The following METTL8 variants were observed in gnomAD, a reference collection of about 807,000 sequenced individuals.
METTL8 encodes tRNA N(3)-cytidine methyltransferase METTL8, mitochondrial.
METTL8 carries 32 observed loss-of-function variants against 48.7 expected under a neutral mutation model. The ratio of observed to expected loss-of-function variants is 0.66; its 90% CI spans 0.50 to 0.88. The LOEUF (loss-of-function observed/expected upper bound fraction) is 0.88, where lower values mean the gene tolerates loss of function less well. METTL8 is among the 40% of genes least tolerant of loss of function. The pLI is 0.00. For synonymous variants in METTL8, 136 were observed against 157.1 expected (o/e 0.87, Z 1.01); for missense variants, 464 against 474.4 (o/e 0.98, Z 0.20).
intron 1 of METTL8, among the ~76,000 whole-genome samples, chr2:171,415,902 G>A (rs1056881846): frequency 2.0e-5 from 3 of 152,242 alleles, no homozygotes; most frequent in South Asian, 2.1e-4. Flanking sequence ...GACTGGGTAA[G>A]GCAGATGATT....
chr2:171,361,875 C>T (rs1685202427), intron 2 of METTL8, among the ~76,000 whole-genome samples: 1 of 152,118 alleles, frequency 6.6e-6, no homozygotes, highest in African/African-American at 2.4e-5. Flanking sequence ...AATGATAATA[C>T]AGTGAAACAT....
At chr2:171,434,176 G>A (rs1693558230), upstream of METTL8, 2 of 374,096 alleles carry the variant, frequency 5.3e-6, no homozygotes, top group African/African-American at 2.1e-5. Context: ...CAGAGGCAGG[G>A]CCGGGCAAGC....
At chr2:171,357,916 G>A (rs1684760379) in intron 3 of METTL8, among the ~76,000 whole-genome samples, 1 of 152,028 alleles carries the variant, frequency 6.6e-6, no homozygotes, top group African/African-American at 2.4e-5. Flanking sequence ...AGTTGGTCTT[G>A]AACTCCTGGG....
At chr2:171,356,847 T>A (rs1684595212) in intron 3 of METTL8, among the ~76,000 whole-genome samples, 1 of 152,096 alleles carries the variant, frequency 6.6e-6, no homozygotes, top group Admixed American at 6.5e-5. Flanking sequence ...ACTTTAATTT[T>A]ACATAATACT....
chr2:171,360,480 T>G lies in METTL8; in HGVS notation c.177A>C (p.Ala59=). 6.2e-7 allele frequency: 1 copy of G among 1,613,880 alleles called. No individual in the cohort carries two copies. The highest frequency in any genetic ancestry group is 8.5e-7 in the Non-Finnish European group (1 of 1,179,954). The change falls in exon 3 of 10, where the codon GCA becomes GCC. Residue 59 remains alanine (A), a synonymous_variant. Transcript: ENST00000375258. The stretch of plus-strand genomic sequence containing the variant: ...TTTCTTTTACTTTTTTTCTGGCTGC[T>G]GCTTCTTCTTCCTTAGACCACTGCA... The part of the protein sequence containing the change: ...DHMQWSKEEE[A]AARKKVKENS...
At chr2:171,329,131 G>A (rs892250064) in intron 7 of METTL8, among the ~76,000 whole-genome samples, 9 of 151,660 alleles carry the variant, frequency 5.9e-5, no homozygotes, top group Non-Finnish European at 1.3e-4. Flanking sequence ...GATTATAGGC[G>A]CCCACCACCA....
chr2:171,371,199 C>G (rs1686294638), intron 2 of METTL8, among the ~76,000 whole-genome samples: 2 of 152,132 alleles, frequency 1.3e-5, no homozygotes, highest in African/African-American at 4.8e-5. Flanking sequence ...GGCATATCAG[C>G]TAATAACTGA....
chr2:171,318,614 C>T lies in METTL8; in HGVS notation c.*5558G>A, dbSNP rs1450579968. On this transcript the variant is annotated 3_prime_UTR_variant, in exon 10 of 10. Coordinates refer to ENST00000375258, the MANE Select transcript of METTL8 (RefSeq NM_001321154.2). The stretch of plus-strand genomic sequence containing the variant: ...AAAAGAACTGATTGAAAGCTTTTTG[C>T]TTTGTCATTCCTCTCAGTTCCTTTC... 6.6e-6 allele frequency: 1 copy of T among 152,180 alleles called. No individual in the cohort carries two copies. The highest frequency in any genetic ancestry group is 6.5e-5 in the Admixed American group (1 of 15,270). The allele number at this position is 152,180 out of a possible 1,614,324, so 9.4% of individuals were successfully genotyped here.
At chr2:171,368,481 C>G (rs1332964937) in intron 2 of METTL8, among the ~76,000 whole-genome samples, 1 of 151,932 alleles carries the variant, frequency 6.6e-6, no homozygotes, top group Non-Finnish European at 1.5e-5. Context: ...TTTGTGCTTC[C>G]AAGCAAAAAT....
chr2:171,356,956 T>TTTTTTTTTTTTTTTTG (rs1441572426), intron 3 of METTL8, among the ~76,000 whole-genome samples: 2 of 121,800 alleles, frequency 1.6e-5, no homozygotes, highest in Non-Finnish European at 3.5e-5. Context: ...GACAATATTT[T>TTTTTTTTTTTTTTTTG]TTTTTTTTTT....
chr2:171,377,233 C>A (rs528731885), intron 2 of METTL8, among the ~76,000 whole-genome samples: 1 of 152,138 alleles, frequency 6.6e-6, no homozygotes, highest in South Asian at 2.1e-4. Flanking sequence ...AGACTTGAAA[C>A]CATAAAAATT....
chr2:171,424,365 T>C (rs1692186700), intron 1 of METTL8, among the ~76,000 whole-genome samples: 2 of 152,262 alleles, frequency 1.3e-5, no homozygotes, highest in South Asian at 2.1e-4. Flanking sequence ...TCCAGAACTG[T>C]AGATCCACTG....
intron 5 of METTL8, among the ~76,000 whole-genome samples, chr2:171,335,766 CACAT>C (rs946620861): frequency 4.6e-5 from 7 of 152,072 alleles, no homozygotes; most frequent in African/African-American, 1.4e-4. Flanking sequence ...TTTAAAAGAT[CACAT>C]CATTTAAAAA....
intron 3 of METTL8, among the ~76,000 whole-genome samples, chr2:171,353,298 T>C (rs1402231579): frequency 6.6e-6 from 1 of 152,252 alleles, no homozygotes; most frequent in Non-Finnish European, 1.5e-5. Flanking sequence ...TTCTTAATCC[T>C]GAGTTCTAGT....
intron 2 of METTL8, among the ~76,000 whole-genome samples, chr2:171,361,870 T>C (rs1685201571): frequency 6.6e-6 from 1 of 152,144 alleles, no homozygotes; most frequent in African/African-American, 2.4e-5. Context: ...ACGTAAATGA[T>C]AATACAGTGA....
intron 7 of METTL8, among the ~76,000 whole-genome samples, chr2:171,328,112 T>C (rs1039827403): frequency 5.9e-5 from 9 of 151,928 alleles, no homozygotes; most frequent in Admixed American, 2.6e-4. Flanking sequence ...CAGGTGGGAG[T>C]GGGCTGGGGG....
At chr2:171,338,229 T>C (rs952429573) in intron 4 of METTL8, among the ~76,000 whole-genome samples, 3 of 152,310 alleles carry the variant, frequency 2.0e-5, no homozygotes, top group Non-Finnish European at 4.4e-5. Flanking sequence ...CATAGTAAAA[T>C]ATTTTGTAGC....
chr2:171,409,296 A>G (rs935817843), intron 1 of METTL8, among the ~76,000 whole-genome samples: 41 of 152,196 alleles, frequency 2.7e-4, no homozygotes, highest in African/African-American at 9.7e-4. Context: ...TAAACTACAT[A>G]GTGCCTTACA....
chr2:171,426,975 G>A (rs180795525), intron 1 of METTL8, among the ~76,000 whole-genome samples: 36 of 152,236 alleles, frequency 2.4e-4, no homozygotes, highest in Non-Finnish European at 4.3e-4. Context: ...ACATGCCCTA[G>A]CCACATAACA....
Sources: gnomAD v4.1 joint callset for allele counts (sites outside exome capture counted in the v4.1 genomes callset) on GRCh38, gnomAD v4.1.1 for gene constraint, MANE v1.5 for transcripts, NCBI Gene and HGNC (gene_info 2026-07-23, HGNC 2026-07-21) for gene names.